GRM8: variants seen among roughly 807,000 people sequenced by gnomAD.
GRM8 encodes the protein glutamate metabotropic receptor 8.
In GRM8, 47 loss-of-function variants were observed where a neutral mutation model predicts 87.2. That is an observed-to-expected ratio of 0.54 (90% CI 0.43 to 0.69). The LOEUF is 0.69. Among genes scored for constraint, GRM8 ranks in the 30% least tolerant of loss-of-function variants. The pLI is 0.00. For synonymous variants in GRM8, 396 were observed against 404.5 expected (o/e 0.98, Z 0.25); for missense variants, 1,019 against 1,139.2 (o/e 0.89, Z 1.52).
At chr7:126,927,348 G>A (rs1220685129) in intron 3 of GRM8, among the ~76,000 whole-genome samples, 1 of 151,960 alleles carries the variant, frequency 6.6e-6, no homozygotes, top group Non-Finnish European at 1.5e-5. Flanking sequence ...TGTCGACTAG[G>A]TTGGTTTTGA....
chr7:127,139,913 C>T (rs1828166175), intron 2 of GRM8, among the ~76,000 whole-genome samples: 1 of 152,086 alleles, frequency 6.6e-6, no homozygotes, highest in Non-Finnish European at 1.5e-5. Flanking sequence ...GACAATGTGC[C>T]ACTCATGCTA....
intron 2 of GRM8, among the ~76,000 whole-genome samples, chr7:127,151,046 G>A (rs1221493856): frequency 1.3e-5 from 2 of 151,990 alleles, no homozygotes; most frequent in African/African-American, 4.8e-5. Context: ...CAGAAATGAA[G>A]CACTTTCCTT....
chr7:126,514,366 A>T (rs1268975999), intron 9 of GRM8, among the ~76,000 whole-genome samples: 1 of 152,188 alleles, frequency 6.6e-6, no homozygotes, highest in Non-Finnish European at 1.5e-5. Context: ...GGCTTAAACA[A>T]TTTGGACTTT....
At chr7:127,015,064 G>GA (rs201447249) in intron 3 of GRM8, among the ~76,000 whole-genome samples, 888 of 87,678 alleles carry the variant, frequency 0.01, 13 homozygotes, top group Middle Eastern at 0.022. Context: ...AGAAGAAGAA[G>GA]AAGAAAGAAA....
intron 7 of GRM8, among the ~76,000 whole-genome samples, chr7:126,629,534 TGCAGAA>T: frequency 6.6e-6 from 1 of 152,174 alleles, no homozygotes; most frequent in Admixed American, 6.5e-5. Context: ...TCTTAATGTT[TGCAGAA>T]TTACAGTGAG....
intron 3 of GRM8, among the ~76,000 whole-genome samples, chr7:126,953,903 C>A (rs1808418996): frequency 6.6e-6 from 1 of 152,118 alleles, no homozygotes; most frequent in Admixed American, 6.5e-5. Flanking sequence ...ACTGACAACA[C>A]CAGTAGTCAT....
At chr7:126,683,823 A>T (rs1225414891) in intron 7 of GRM8, among the ~76,000 whole-genome samples, 1 of 152,194 alleles carries the variant, frequency 6.6e-6, no homozygotes, top group Non-Finnish European at 1.5e-5. Flanking sequence ...AGCTCTTTTC[A>T]TCCATGAGTG....
intron 8 of GRM8, among the ~76,000 whole-genome samples, chr7:126,595,948 A>T (rs1379154369): frequency 6.6e-6 from 1 of 152,160 alleles, no homozygotes; most frequent in Non-Finnish European, 1.5e-5. Flanking sequence ...ACCAGCCTGG[A>T]CAATATGGTG....
intron 3 of GRM8, among the ~76,000 whole-genome samples, chr7:127,072,271 T>G (rs1821773750): frequency 6.6e-6 from 1 of 152,160 alleles, no homozygotes; most frequent in Non-Finnish European, 1.5e-5. Context: ...GCTCTCCCTA[T>G]CTGCACAAAC....
intron 7 of GRM8, among the ~76,000 whole-genome samples, chr7:126,643,582 C>T (rs1802715640): frequency 6.6e-6 from 1 of 151,880 alleles, no homozygotes; most frequent in Admixed American, 6.6e-5. Flanking sequence ...CAGAATTTGT[C>T]AAATATCCTG....
chr7:126,795,987 A>C (rs1821907018), intron 6 of GRM8, among the ~76,000 whole-genome samples: 1 of 152,124 alleles, frequency 6.6e-6, no homozygotes, highest in African/African-American at 2.4e-5. Flanking sequence ...ACCTTAAAAT[A>C]ACATTTTCTC....
intron 3 of GRM8, among the ~76,000 whole-genome samples, chr7:127,075,771 A>G (rs1365298938): frequency 1.3e-5 from 2 of 152,168 alleles, no homozygotes; most frequent in Admixed American, 6.5e-5. Flanking sequence ...AATAGCCAGC[A>G]CTAACCACCT....
At chr7:126,902,707 T>G in intron 5 of GRM8, 28 bp from the exon 6 acceptor site, 1 of 1,478,070 alleles carries the variant, frequency 6.8e-7, no homozygotes. Context: ...GGTATGATTT[T>G]AATATTCTTT....
intron 8 of GRM8, among the ~76,000 whole-genome samples, chr7:126,601,860 A>G: frequency 7.2e-6 from 1 of 139,316 alleles, no homozygotes; most frequent in Non-Finnish European, 1.6e-5. Flanking sequence ...AGGTTGTGAA[A>G]ATTTTCTCCC....
chr7:127,084,403 T>G (rs1823233772), intron 3 of GRM8: 2 of 152,356 alleles, frequency 1.3e-5, no homozygotes, highest in Middle Eastern at 6.8e-3. Flanking sequence ...CCAACAGCTA[T>G]GCATTTGAGT....
intron 6 of GRM8, among the ~76,000 whole-genome samples, chr7:126,830,009 T>G (rs1490090103): frequency 2.6e-5 from 4 of 152,186 alleles, no homozygotes; most frequent in African/African-American, 7.2e-5. Context: ...ATTCTTTTCT[T>G]TAAGAATGTT....
intron 7 of GRM8, among the ~76,000 whole-genome samples, chr7:126,749,985 C>T (rs1585774602): frequency 1.3e-5 from 2 of 152,070 alleles, no homozygotes; most frequent in African/African-American, 2.4e-5. Flanking sequence ...CTTCTATTCC[C>T]AAGTATTTAG....
At chr7:127,151,538 C>G (rs1224988342) in intron 2 of GRM8, among the ~76,000 whole-genome samples, 3 of 152,088 alleles carry the variant, frequency 2.0e-5, no homozygotes, top group African/African-American at 4.8e-5. Flanking sequence ...ACAACGTTTT[C>G]TACAGTTCAC....
chr7:126,547,883 G>A (rs778653875), intron 8 of GRM8, among the ~76,000 whole-genome samples: 3 of 143,142 alleles, frequency 2.1e-5, no homozygotes, highest in South Asian at 2.3e-4. Context: ...TCTGGAGAAC[G>A]AAAGAAACAA....
Sources: allele counts gnomAD v4.1 joint callset (sites outside exome capture counted in the v4.1 genomes callset), GRCh38; gene constraint gnomAD v4.1.1; transcripts MANE v1.5; gene names NCBI Gene and HGNC (gene_info 2026-07-23, HGNC 2026-07-21).